The following PITPNM1 variants were observed in gnomAD, a reference collection of about 807,000 sequenced individuals.
PITPNM1 encodes membrane-associated phosphatidylinositol transfer protein 1.
PITPNM1 carries 74 observed loss-of-function variants against 133.3 expected under a neutral mutation model. The observed-to-expected ratio is 0.56, with a 90% CI of 0.46 to 0.67. The LOEUF (loss-of-function observed/expected upper bound fraction) is 0.67. PITPNM1 is among the 30% of genes least tolerant of loss of function. The probability of loss-of-function intolerance (pLI) is 0.00; values close to 1 mark genes in which losing one functional copy is unlikely to be tolerated. For synonymous variants in PITPNM1, 738 were observed against 741.4 expected, an observed-to-expected ratio of 1.00 and a Z score of 0.08; for missense variants, 1,398 against 1,739.5, an observed-to-expected ratio of 0.80 and a Z score of 3.49.
chr11:67,500,161 G>A lies in PITPNM1; in HGVS notation c.901C>T (p.Pro301Ser). The change falls in exon 6 of 24, where the codon CCC becomes TCC. Residue 301 changes from proline to serine, a missense_variant. Pro to Ser is a moderately conservative substitution (Grantham distance 74, BLOSUM62 -1). Transcript: ENST00000356404. ...CACTGCTTCCCAAAGCTGGCATCGG[G>A]GGAGGCATCTGGGCCTGGGGGGGCC... Reference protein sequence around the residue: ...PEAPPGPDASPDASFGKQWSS... With the variant: ...PEAPPGPDASSDASFGKQWSS... 6.3e-7 allele frequency: 1 copy of A among 1,595,876 alleles called. No homozygotes were observed. The highest frequency in any genetic ancestry group is 8.5e-7 in the Non-Finnish European group (1 of 1,171,170).
At position 67,504,331 on chromosome 11, in the gene PITPNM1, A is replaced by G. The variant is rs1434006327; in HGVS notation, c.-41-110T>C. 1 of 351,638 alleles carries G rather than the reference A, an allele frequency of 2.8e-6. No individual in the cohort carries two copies. Among genetic ancestry groups the G allele is most frequent in the Non-Finnish European group, 4.9e-6 (1 of 204,032 alleles). 21.8% of individuals were successfully genotyped at this position (351,638 alleles called of 1,614,324 possible). ...ACGGGACCCCATGTCCGGGCCCGCC[A>G]CGAGGGAGGCAGAGGCGAGCCTAGC... is the stretch of plus-strand genomic sequence containing the variant. On this transcript the variant is annotated intron_variant, in intron 1 of 23. Coordinates refer to ENST00000356404, the MANE Select transcript of PITPNM1 (RefSeq NM_004910.3). The surrounding 1 kb of genome is among the most constrained non-coding windows in gnomAD (Gnocchi z 5.4).
chr11:67,500,368 C>T lies in PITPNM1; in HGVS notation c.694G>A (p.Glu232Lys), dbSNP rs1565195070. 1.9e-6 allele frequency: 3 copies of T among 1,612,008 alleles called. No individual in the cohort carries two copies. The highest frequency in any genetic ancestry group is 2.5e-6 in the Non-Finnish European group (3 of 1,179,924). ...AHRQAWCWQD[E>K]WTELSMADIR... ...TCAGCCATGCTCAGCTCTGTCCACT[C>T]ATCCTGCCAGCACCAGGCCTGGCGG... Residue 232 changes from glutamate (E) to lysine (K), a missense_variant, in exon 6 of 24, where the codon GAG (glutamate) becomes AAG (lysine). Glu to Lys is a moderately conservative substitution (Grantham distance 56). Around this residue, in one of 5 missense-constraint regions of PITPNM1, gnomAD observed 274 missense variants for 360.7 expected, o/e 0.76. Coordinates refer to ENST00000356404, the MANE Select transcript of PITPNM1 (RefSeq NM_004910.3).
intron 18 of PITPNM1, 37 bp downstream of exon 18, chr11:67,494,809 G>GGCGAGAGTGT (rs1866057179): frequency 1.4e-6 from 2 of 1,446,790 alleles, no homozygotes; most frequent in Non-Finnish European, 9.7e-7. Flanking sequence ...GGCGAGAGTG[G>GGCGAGAGTGT]GCGAGTGGGC....
chr11:67,499,927 G>T lies in PITPNM1; in HGVS notation c.1050C>A (p.Phe350Leu), dbSNP rs775010489. 4 of 1,611,972 alleles carry T rather than the reference G, an allele frequency of 2.5e-6. No homozygotes were observed. The highest frequency in any genetic ancestry group is 1.3e-5 in the African/African-American group (1 of 74,892). The change falls in exon 7 of 24, where the codon TTC (phenylalanine) becomes TTA (leucine). Residue 350 changes from phenylalanine to leucine, a missense_variant. This residue lies in a region of PITPNM1 where 195 missense variants were observed against 178.8 expected (regional missense o/e 1.09). Coordinates refer to ENST00000356404, the MANE Select transcript of PITPNM1 (RefSeq NM_004910.3). ...RDSENSSEEE[F>L]FDAHEGFSDS... ...CTCAGTGCTGACCGTGGGCATCAAA[G>T]AACTCTTCCTCGGAGCTGTTCTCAG...
At position 67,500,269 on chromosome 11, in the gene PITPNM1, C is replaced by G. The variant is rs1306010684; in HGVS notation, c.793G>C (p.Gly265Arg). 1 of 1,608,998 alleles carries G rather than the reference C, an allele frequency of 6.2e-7. No homozygotes were observed. Among genetic ancestry groups the G allele is most frequent in the Non-Finnish European group, 8.5e-7 (1 of 1,179,864 alleles). Residue 265 changes from glycine to arginine, a missense_variant, in exon 6 of 24, where the codon GGG becomes CGG. By Grantham distance (125) the Gly-to-Arg change is moderately radical. Coordinates refer to ENST00000356404, the MANE Select transcript of PITPNM1 (RefSeq NM_004910.3). ...RMAKCNTGSEGSEAQPPGKPS... is the reference protein window; with the variant it reads ...RMAKCNTGSERSEAQPPGKPS... The stretch of plus-strand genomic sequence containing the variant: ...TTCCCGGGGGGCTGGGCCTCGGACC[C>G]CTCACTGCCTGTGTTGCACTTGGCC...
In PITPNM1 at chr11:67,492,024, G is replaced by A; in HGVS notation, c.*9C>T. ...CAATAAATAACCCAGGTCCAGGCTGGTGTGGGCCTCACTCCTCGCTGTCCA... is the reference window on the plus strand; with the variant it reads ...CAATAAATAACCCAGGTCCAGGCTGATGTGGGCCTCACTCCTCGCTGTCCA... On this transcript the variant is annotated 3_prime_UTR_variant, in exon 24 of 24. Coordinates refer to ENST00000356404, the MANE Select transcript of PITPNM1 (RefSeq NM_004910.3). 2 of 1,611,192 alleles carry A rather than the reference G, an allele frequency of 1.2e-6. No homozygotes were observed. Among genetic ancestry groups the A allele is most frequent in the Non-Finnish European group, 1.7e-6 (2 of 1,179,050 alleles).
At chr11:67,494,099 T>C in intron 19 of PITPNM1, 29 bp from the exon 20 acceptor site, 1 of 1,507,812 alleles carries the variant, frequency 6.6e-7, no homozygotes, top group African/African-American at 1.5e-5. Flanking sequence ...GGGAGGTAAA[T>C]GGGGGCCCTG....
At position 67,502,261 on chromosome 11, in the gene PITPNM1, G is replaced by T. The variant is rs185832886; in HGVS notation, c.415+31C>A. On this transcript the variant is annotated intron_variant, in intron 4 of 23. Coordinates refer to ENST00000356404, the MANE Select transcript of PITPNM1 (RefSeq NM_004910.3). This position sits in a 1 kb window ranked among gnomAD's most constrained non-coding sequence, Gnocchi z 5.9. ...AGGCAGCCAGGAGCCTGAGAGGGGC[G>T]CCAGGGTCCCCCCATAGCTCCAGGC... The T allele has an allele frequency of 3.8e-5, 61 of 1,603,746 alleles. No individual in the cohort carries two copies. The highest frequency in any genetic ancestry group is 4.5e-5 in the Non-Finnish European group (53 of 1,175,200).
chr11:67,498,429 G>A lies in PITPNM1; in HGVS notation c.1485-107C>T. 1 of 1,395,574 alleles carries A rather than the reference G, an allele frequency of 7.2e-7. No individual in the cohort carries two copies. Among genetic ancestry groups the A allele is most frequent in the Non-Finnish European group, 9.6e-7 (1 of 1,044,922 alleles). The allele number at this position is 1,395,574 out of a possible 1,614,324, so 86.4% of individuals were successfully genotyped here. On this transcript the variant is annotated intron_variant, in intron 10 of 23. Transcript: ENST00000356404. The surrounding 1 kb of genome is among the most constrained non-coding windows in gnomAD (Gnocchi z 5.7). ...CCCTGGCTCTGTGGGTCCTCTGTGG[G>A]GAGCGTTAGCCCCAAGAGGCAACTG... is the stretch of plus-strand genomic sequence containing the variant.
chr11:67,499,116 C>G (rs908832648), intron 8 of PITPNM1, 115 bp from the exon 9 acceptor site: 1 of 941,784 alleles, frequency 1.1e-6, no homozygotes, highest in Non-Finnish European at 1.6e-6. Flanking sequence ...CCCTACCTTC[C>G]TCCAAACTTC....
Position 67,493,642 on chromosome 11 carries a change from C to T in PITPNM1, c.3158+46G>A, listed in dbSNP as rs754722571. ...GCTCCGCTGGCCAGGGGTGAGGGGC[C>T]GGTCACCCCGGTGAAATGGGTGGTG... On this transcript the variant is annotated intron_variant, in intron 21 of 23. Transcript: ENST00000356404. 3.9e-6 allele frequency: 6 copies of T among 1,544,728 alleles called. No individual in the cohort carries two copies. The South Asian group carries it at 4.8e-5, about 12-fold the overall frequency.
intron 17 of PITPNM1, 60 bp downstream of exon 17, chr11:67,495,017 G>A (rs2134281090): frequency 1.9e-6 from 3 of 1,597,728 alleles, no homozygotes; most frequent in East Asian, 2.2e-5. Context: ...CCCCTCCCCC[G>A]GCCCAAAGCA....
At chr11:67,503,924 T>C (rs942464423) in intron 2 of PITPNM1, 179 bp downstream of exon 2, 1 of 522,666 alleles carries the variant, frequency 1.9e-6, no homozygotes, top group African/African-American at 2.0e-5. Flanking sequence ...ACTTAGCGGA[T>C]GGGAAGCACC....
intron 20 of PITPNM1, 25 bp from the exon 21 acceptor site, chr11:67,493,862 A>G (rs1866016877): frequency 6.5e-7 from 1 of 1,529,964 alleles, no homozygotes; most frequent in African/African-American, 1.4e-5. Context: ...GCGGGGCGTG[A>G]GTGGCGCGGG....
rs1389473145 is a variant in PITPNM1 at position 67,492,288 on chromosome 11, T to C, written c.3480A>G (p.Ser1160=). 2 of 1,568,630 alleles carry C rather than the reference T, an allele frequency of 1.3e-6. No individual in the cohort carries two copies. The highest frequency in any genetic ancestry group is 8.7e-7 in the Non-Finnish European group (1 of 1,155,488). Residue 1160 remains serine (S), a synonymous_variant, in exon 24 of 24, where the codon TCA becomes TCG. Coordinates refer to ENST00000356404, the MANE Select transcript of PITPNM1 (RefSeq NM_004910.3). Reference sequence around the variant, plus strand: ...GGCCCAGGTGGGCCACATAGCCGTCTGACAGGAACTGTGGGCAGAGGTAGG... The same window carrying C: ...GGCCCAGGTGGGCCACATAGCCGTCCGACAGGAACTGTGGGCAGAGGTAGG... The part of the protein sequence containing the change: ...RKLQAQCQFL[S]DGYVAHLGQL...
At position 67,495,236 on chromosome 11, in the gene PITPNM1, A is replaced by G. The variant is rs17847843; in HGVS notation, c.2483-11T>C. ...ACCAGCGCTCCAGGACTGCGCGGCC[A>G]TGGCAGCGAGTCAGGATGGCCTCCT... On this transcript the variant is annotated splice_polypyrimidine_tract_variant and intron_variant, in intron 16 of 23. Transcript: ENST00000356404. 4.6e-5 allele frequency: 72 copies of G among 1,574,026 alleles called. No homozygotes were observed. The East Asian group carries it at 1.6e-3, about 36-fold the overall frequency.
In PITPNM1 at chr11:67,493,965, G is replaced by A. The variant is rs1272992370; in HGVS notation, c.2965C>T (p.Arg989Cys). 1.8e-5 allele frequency: 29 copies of A among 1,610,514 alleles called. No individual in the cohort carries two copies. Among genetic ancestry groups the A allele is most frequent in the Non-Finnish European group, 2.2e-5 (26 of 1,178,846 alleles). The change falls in exon 20 of 24, where the codon CGC becomes TGC. Residue 989 changes from arginine to cysteine, a missense_variant. Arg to Cys is a radical substitution (Grantham distance 180). Around this residue, in one of 5 missense-constraint regions of PITPNM1, gnomAD observed 233 missense variants for 378.0 expected, o/e 0.62. Coordinates refer to ENST00000356404, the MANE Select transcript of PITPNM1 (RefSeq NM_004910.3). ...GRLTFPVPPERALGIGVYPVR... is the reference protein window; with the variant it reads ...GRLTFPVPPECALGIGVYPVR... ...GGGTAGACACCAATGCCCAGCGCGC[G>A]TTCTGGGGGAACTGGGAAGGTGAGG...
chr11:67,503,854 C>T (rs1866408437), intron 2 of PITPNM1: 1 of 386,606 alleles, frequency 2.6e-6, no homozygotes, highest in African/African-American at 2.1e-5. Flanking sequence ...GCGCTTTTTC[C>T]TTCCCCGATG....
At chr11:67,497,006 G>A (rs1174151991) in intron 14 of PITPNM1, 1 of 445,706 alleles carries the variant, frequency 2.2e-6, no homozygotes, top group African/African-American at 2.0e-5. Context: ...ACCCCTTCTA[G>A]TGCAGAACAT....
Sources: gnomAD v4.1 joint callset for allele counts on GRCh38, gnomAD v4.1.1 for gene constraint, gnomAD v4.1.1 regional missense constraint, Gnocchi (gnomAD v3.1) non-coding constraint, MANE v1.5 for transcripts, NCBI Gene and HGNC (gene_info 2026-07-23, HGNC 2026-07-21) for gene names.